CFAP299: variants seen among roughly 807,000 people sequenced by gnomAD.
CFAP299 encodes the protein cilia and flagella associated protein 299, also known as cilia- and flagella-associated protein 299.
Under a neutral mutation model 27.0 loss-of-function variants are expected in CFAP299, and 21 were observed. The ratio of observed to expected loss-of-function variants is 0.78; its 90% CI spans 0.55 to 1.12. The LOEUF (loss-of-function observed/expected upper bound fraction) is 1.12, where lower values mean the gene tolerates loss of function less well. Ranked by LOEUF, CFAP299 falls within the 50% of genes most tolerant of loss-of-function variation. The pLI is 0.00. For missense variants in CFAP299, 310 were observed against 276.6 expected, an observed-to-expected ratio of 1.12 and a Z score of -0.86; for synonymous variants, 104 against 98.1, an observed-to-expected ratio of 1.06 and a Z score of -0.36.
intron 3 of CFAP299, among the ~76,000 whole-genome samples, chr4:80,651,264 T>TC (rs1283843559): frequency 4.8e-5 from 7 of 145,842 alleles, no homozygotes; most frequent in African/African-American, 1.5e-4. Flanking sequence ...CCTTCCTTTC[T>TC]TTCTCTTTCT....
At chr4:80,589,340 T>C (rs1255765034) in intron 3 of CFAP299, among the ~76,000 whole-genome samples, 1 of 152,112 alleles carries the variant, frequency 6.6e-6, no homozygotes, top group Non-Finnish European at 1.5e-5. Flanking sequence ...AAGAAACTCA[T>C]CCATGGAAAA....
chr4:80,610,543 A>T (rs1192791682), intron 3 of CFAP299, among the ~76,000 whole-genome samples: 1 of 152,034 alleles, frequency 6.6e-6, no homozygotes, highest in Non-Finnish European at 1.5e-5. Flanking sequence ...TTACAACCTT[A>T]ATTTTCTGAA....
At position 80,847,989 on chromosome 4, in the gene CFAP299, C is replaced by T. The variant is rs139715969; in HGVS notation, c.334-22004C>T. Among the ~76,000 whole-genome samples the T allele has an allele frequency of 3.8e-3, 582 of 152,104 alleles. 1 individual carries two copies. The highest frequency in any genetic ancestry group is 0.01 in the Middle Eastern group (3 of 294). On this transcript the variant is annotated intron_variant, in intron 3 of 5. Coordinates refer to ENST00000358105, the MANE Select transcript of CFAP299 (RefSeq NM_152770.3). ...CTTTAGGAGGCTGAGGTGAGTGGATCGCTTGAACTCAGGAGTTCAAGAACA... is the reference window on the plus strand; with the variant it reads ...CTTTAGGAGGCTGAGGTGAGTGGATTGCTTGAACTCAGGAGTTCAAGAACA...
intron 3 of CFAP299, among the ~76,000 whole-genome samples, chr4:80,779,552 A>G (rs1726752139): frequency 6.6e-6 from 1 of 151,908 alleles, no homozygotes; most frequent in African/African-American, 2.4e-5. Flanking sequence ...GGTTCTGCCC[A>G]TGTCACCATA....
At chr4:80,648,725 A>G (rs991414794) in intron 3 of CFAP299, among the ~76,000 whole-genome samples, 38 of 152,292 alleles carry the variant, frequency 2.5e-4, no homozygotes, top group African/African-American at 7.5e-4. Context: ...CTCATTTTGA[A>G]TATCTTTCAC....
At chr4:80,590,523 G>A (rs934917239) in intron 3 of CFAP299, among the ~76,000 whole-genome samples, 2 of 152,042 alleles carry the variant, frequency 1.3e-5, no homozygotes, top group Admixed American at 6.6e-5. Flanking sequence ...CTGTAACTCA[G>A]CTACTTGGGA....
intron 2 of CFAP299, among the ~76,000 whole-genome samples, chr4:80,576,203 T>A (rs1010498281): frequency 1.4e-4 from 19 of 136,174 alleles, no homozygotes; most frequent in African/African-American, 3.5e-4. Context: ...AAAAAATATA[T>A]ATATATATAT....
intron 3 of CFAP299, among the ~76,000 whole-genome samples, chr4:80,590,304 A>G (rs1736664328): frequency 6.6e-6 from 1 of 152,220 alleles, no homozygotes; most frequent in African/African-American, 2.4e-5. Context: ...TGTGAGGATT[A>G]AATGAATTTA....
chr4:80,644,611 G>A (rs934624712), intron 3 of CFAP299, among the ~76,000 whole-genome samples: 4 of 152,040 alleles, frequency 2.6e-5, no homozygotes, highest in African/African-American at 7.2e-5. Context: ...TTAGTAATTC[G>A]GGTGGAAACA....
At chr4:80,537,061 G>A (rs921616362) in intron 2 of CFAP299, among the ~76,000 whole-genome samples, 1 of 151,978 alleles carries the variant, frequency 6.6e-6, no homozygotes, top group Admixed American at 6.6e-5. Context: ...ATTTTTCAAA[G>A]GAAGATATAC....
At chr4:80,340,431 G>C (rs1261878051) in intron 1 of CFAP299, among the ~76,000 whole-genome samples, 1 of 152,128 alleles carries the variant, frequency 6.6e-6, no homozygotes, top group Non-Finnish European at 1.5e-5. Context: ...GAGTTTTTCA[G>C]TCTCCAGCCT....
In CFAP299 at chr4:80,905,001, C is replaced by A. The variant is rs187306006; in HGVS notation, c.476+34866C>A. Among the ~76,000 whole-genome samples the A allele has an allele frequency of 7.8e-4, 119 of 152,066 alleles. 1 individual carries two copies. The highest frequency in any genetic ancestry group is 2.8e-3 in the African/African-American group (115 of 41,484). The stretch of plus-strand genomic sequence containing the variant: ...GGTAAGCTTACATGCAAATATCCAG[C>A]CTTATGATACTTAAAAGTATGTGTG... On this transcript the variant is annotated intron_variant, in intron 4 of 5. Coordinates refer to ENST00000358105, the MANE Select transcript of CFAP299 (RefSeq NM_152770.3).
At chr4:80,346,585 A>G (rs1722739185) in intron 1 of CFAP299, among the ~76,000 whole-genome samples, 1 of 151,628 alleles carries the variant, frequency 6.6e-6, no homozygotes, top group African/African-American at 2.4e-5. Flanking sequence ...AGATGGTTGC[A>G]TATGTGTGGT....
intron 3 of CFAP299, among the ~76,000 whole-genome samples, chr4:80,621,511 TAATA>T (rs149481285): frequency 0.033 from 4,956 of 152,224 alleles, 285 homozygotes; most frequent in African/African-American, 0.11. Context: ...TTTGTTGATT[TAATA>T]AATGAATTCT....
chr4:80,537,899 C>T (rs893952708), intron 2 of CFAP299, among the ~76,000 whole-genome samples: 5 of 151,798 alleles, frequency 3.3e-5, no homozygotes, highest in Non-Finnish European at 5.9e-5. Context: ...CCAAAATGTA[C>T]ATATATCAAA....
intron 2 of CFAP299, among the ~76,000 whole-genome samples, chr4:80,403,112 T>C (rs1726244660): frequency 6.6e-6 from 1 of 152,214 alleles, no homozygotes; most frequent in Non-Finnish European, 1.5e-5. Context: ...TTTGCAAAAT[T>C]AGCAAAAATG....
chr4:80,768,731 T>C (rs1433783576), intron 3 of CFAP299, among the ~76,000 whole-genome samples: 2 of 152,204 alleles, frequency 1.3e-5, no homozygotes, highest in Non-Finnish European at 2.9e-5. Context: ...CAATTCAATA[T>C]ATATTGTTTA....
intron 1 of CFAP299, among the ~76,000 whole-genome samples, chr4:80,358,072 T>G (rs1723359470): frequency 1.3e-5 from 2 of 152,220 alleles, no homozygotes; most frequent in South Asian, 2.1e-4. Flanking sequence ...AGCTTCTTGA[T>G]GTCTGCCTTA....
intron 3 of CFAP299, among the ~76,000 whole-genome samples, chr4:80,801,539 G>A (rs1359546435): frequency 6.6e-6 from 1 of 151,932 alleles, no homozygotes; most frequent in African/African-American, 2.4e-5. Flanking sequence ...AGAGAATAAA[G>A]GCTGTATCTT....
Sources: allele counts gnomAD v4.1 joint callset (sites outside exome capture counted in the v4.1 genomes callset), GRCh38; gene constraint gnomAD v4.1.1; transcripts MANE v1.5; gene names NCBI Gene and HGNC (gene_info 2026-07-23, HGNC 2026-07-21).